Variants in RAP1GAP2 observed in about 807,000 individuals in gnomAD.
RAP1GAP2 encodes rap1 GTPase-activating protein 2.
RAP1GAP2 carries 27 observed loss-of-function variants against 95.0 expected under a neutral mutation model. That is an observed-to-expected ratio of 0.28 (90% confidence interval 0.21 to 0.39). The LOEUF (loss-of-function observed/expected upper bound fraction) is 0.39, where lower values mean the gene tolerates loss of function less well. RAP1GAP2 is among the 10% of genes least tolerant of loss of function. The pLI, the probability that RAP1GAP2 is intolerant of heterozygous loss-of-function variation, is 1.00. For missense variants in RAP1GAP2, 771 were observed against 970.0 expected (o/e 0.79, Z 2.72); for synonymous variants, 373 against 380.9 (o/e 0.98, Z 0.24).
At chr17:2,809,247 G>A (rs1417737305) in intron 2 of RAP1GAP2, among the ~76,000 whole-genome samples, 4 of 152,186 alleles carry the variant, frequency 2.6e-5, no homozygotes, top group African/African-American at 4.8e-5. Flanking sequence ...GCAGGGAGCC[G>A]GCTGGCAGCC....
At chr17:2,885,911 A>G (rs953084406) in intron 2 of RAP1GAP2, among the ~76,000 whole-genome samples, 2 of 152,172 alleles carry the variant, frequency 1.3e-5, no homozygotes, top group Non-Finnish European at 2.9e-5. Context: ...TTAGGTGACC[A>G]GGGCAGCTGG....
At chr17:2,933,788 A>T (rs1257721494) in intron 3 of RAP1GAP2, among the ~76,000 whole-genome samples, 10 of 151,808 alleles carry the variant, frequency 6.6e-5, no homozygotes. Context: ...TAAGAGGCTT[A>T]GACCTGAAGC....
chr17:3,026,853 G>A, intron 21 of RAP1GAP2, 91 bp from the exon 22 acceptor site: 2 of 1,452,984 alleles, frequency 1.4e-6, no homozygotes, highest in Non-Finnish European at 9.2e-7. Context: ...GGAGGCAGCG[G>A]CTGTCCTGGG....
rs569373060 is a variant in RAP1GAP2, at chr17:2,957,275, G to A, written c.166-484G>A. On this transcript the variant is annotated intron_variant, in intron 3 of 24. Transcript: ENST00000254695. ...GGCAGGCAGAGGCAGAGGTGGCATA[G>A]CGGGCCCTCCCCCTCCTTCCCTGGC... Among the ~76,000 whole-genome samples, 12 of 152,326 alleles carry A rather than the reference G, an allele frequency of 7.9e-5. No homozygotes were observed. In the East Asian group the frequency reaches 2.3e-3, roughly 29 times the overall value.
intron 3 of RAP1GAP2, among the ~76,000 whole-genome samples, chr17:2,944,161 C>CAAAAAA (rs36063732): frequency 2.4e-4 from 20 of 81,730 alleles, no homozygotes; most frequent in South Asian, 4.4e-4. Flanking sequence ...ACAGCAAAAC[C>CAAAAAA]AAAAAAAAAA....
intron 2 of RAP1GAP2, among the ~76,000 whole-genome samples, chr17:2,852,018 A>G (rs2071872116): frequency 1.3e-5 from 2 of 152,022 alleles, no homozygotes; most frequent in Non-Finnish European, 2.9e-5. Context: ...CGCCCTCATC[A>G]CCTTCCCTGC....
At position 2,866,844 on chromosome 17, in the gene RAP1GAP2, C is replaced by G. The variant is rs2151631311; in HGVS notation, c.81-38440C>G. Among the ~76,000 whole-genome samples the G allele has an allele frequency of 6.6e-6, 1 of 150,956 alleles. No homozygotes were observed. Among genetic ancestry groups the G allele is most frequent in the South Asian group, 2.1e-4 (1 of 4,752 alleles). On this transcript the variant is annotated intron_variant, in intron 2 of 24. Transcript: ENST00000254695. The surrounding 1 kb of genome is among the most constrained non-coding windows in gnomAD (Gnocchi z 4.0). ...CGAACTCCTGGCCTCAAGCGATCTG[C>G]CTGTCTTGGCCTCCCAAAGTGCTGG...
At position 3,005,106 on chromosome 17, in the gene RAP1GAP2, C is replaced by T. The variant is rs1390419879; in HGVS notation, c.1201-263C>T. 6.6e-6 allele frequency among the ~76,000 whole-genome samples: 1 copy of T among 152,100 alleles called. No homozygotes were observed. Among genetic ancestry groups the T allele is most frequent in the Non-Finnish European group, 1.5e-5 (1 of 68,008 alleles). ...CTTGTATGGCATTAAAATTAGGGTC[C>T]CAGCCCTGTCCAGTCATCTTGCCAA... is the stretch of plus-strand genomic sequence containing the variant. On this transcript the variant is annotated intron_variant, in intron 14 of 24. Coordinates refer to ENST00000254695, the MANE Select transcript of RAP1GAP2 (RefSeq NM_015085.5). The surrounding 1 kb of genome is among the most constrained non-coding windows in gnomAD (Gnocchi z 5.2).
At chr17:2,887,527 A>G (rs967079681) in intron 2 of RAP1GAP2, among the ~76,000 whole-genome samples, 7 of 151,858 alleles carry the variant, frequency 4.6e-5, no homozygotes, top group African/African-American at 1.2e-4. Flanking sequence ...GGCACACGCC[A>G]CTGCGCCCAG....
chr17:3,010,336 CAAAAAAAAAAAAAA>C (rs1179623628), intron 17 of RAP1GAP2, among the ~76,000 whole-genome samples: 13 of 70,270 alleles, frequency 1.9e-4, no homozygotes, highest in Admixed American at 1.3e-3. Context: ...GAGACTGTCT[CAAAAAAAAAAAAAA>C]AAAAAAAAAA....
At chr17:2,820,064 AGCCACCACTT>A (rs1448607989) in intron 2 of RAP1GAP2, among the ~76,000 whole-genome samples, 1 of 152,122 alleles carries the variant, frequency 6.6e-6, no homozygotes, top group Non-Finnish European at 1.5e-5. Context: ...TACAGGCGGG[AGCCACCACTT>A]CTGGCCTAGT....
intron 2 of RAP1GAP2, among the ~76,000 whole-genome samples, chr17:2,886,076 C>T (rs572725912): frequency 7.2e-5 from 11 of 152,108 alleles, no homozygotes; most frequent in South Asian, 4.2e-4. Context: ...CCCCACACCC[C>T]GTCCACTTTA....
chr17:2,850,804 G>T (rs898110881), intron 2 of RAP1GAP2, among the ~76,000 whole-genome samples: 2 of 149,422 alleles, frequency 1.3e-5, no homozygotes, highest in African/African-American at 4.9e-5. Flanking sequence ...GCTCACACCT[G>T]TAATCCCAGA....
At position 2,903,228 on chromosome 17, in the gene RAP1GAP2, C is replaced by G. The variant is rs977628899; in HGVS notation, c.81-2056C>G. ...CCGAAGAGGACCTGAGGGTGATGCC[C>G]TCCTGCTTGATCATTCTTCCTTTCC... On this transcript the variant is annotated intron_variant, in intron 2 of 24. Transcript: ENST00000254695. This position sits in a 1 kb window ranked among gnomAD's most constrained non-coding sequence, Gnocchi z 4.1. Among the ~76,000 whole-genome samples the G allele has an allele frequency of 6.6e-6, 1 of 152,142 alleles. No individual in the cohort carries two copies. Among genetic ancestry groups the G allele is most frequent in the Non-Finnish European group, 1.5e-5 (1 of 68,036 alleles).
intron 2 of RAP1GAP2, among the ~76,000 whole-genome samples, chr17:2,890,566 A>C (rs1016120020): frequency 2.4e-4 from 37 of 152,072 alleles, no homozygotes; most frequent in Admixed American, 2.4e-3. Context: ...GCACTGTGAG[A>C]CGGGGCTCCT....
At chr17:2,862,300 T>C (rs935572830) in intron 2 of RAP1GAP2, among the ~76,000 whole-genome samples, 1 of 152,196 alleles carries the variant, frequency 6.6e-6, no homozygotes. Context: ...TCTGAATTAG[T>C]GGACAGTCGC....
At chr17:2,836,618 C>T (rs916143549) in intron 2 of RAP1GAP2, among the ~76,000 whole-genome samples, 3 of 151,140 alleles carry the variant, frequency 2.0e-5, no homozygotes, top group Non-Finnish European at 4.4e-5. Flanking sequence ...GGTGATACAG[C>T]GAGACTCAGT....
At chr17:2,863,552 T>C (rs1193413854) in intron 2 of RAP1GAP2, among the ~76,000 whole-genome samples, 1 of 152,176 alleles carries the variant, frequency 6.6e-6, no homozygotes, top group Admixed American at 6.5e-5. Context: ...CCTCCTCCCT[T>C]CTTTCTCCCT....
chr17:2,814,079 G>T (rs578011269), intron 2 of RAP1GAP2, among the ~76,000 whole-genome samples: 1 of 152,296 alleles, frequency 6.6e-6, no homozygotes, highest in South Asian at 2.1e-4. Flanking sequence ...AGGCCTAGTA[G>T]GTTCACCTTG....
Sources: allele counts gnomAD v4.1 joint callset (sites outside exome capture counted in the v4.1 genomes callset), GRCh38; gene constraint gnomAD v4.1.1; non-coding constraint Gnocchi (gnomAD v3.1); transcripts MANE v1.5; gene names NCBI Gene and HGNC (gene_info 2026-07-23, HGNC 2026-07-21).